SUGP2: variants seen among roughly 807,000 people sequenced by gnomAD.
SUGP2 encodes SURP and G-patch domain containing 2.
In SUGP2, 24 loss-of-function variants were observed where a neutral mutation model predicts 90.5. That is an observed-to-expected ratio of 0.27 (90% CI 0.19 to 0.37). The LOEUF is 0.37. SUGP2 is among the 10% of genes least tolerant of loss of function. The pLI is 1.00. For missense variants in SUGP2, 1,233 were observed against 1,363.3 expected, an observed-to-expected ratio of 0.90 and a Z score of 1.51; for synonymous variants, 473 against 513.4, an observed-to-expected ratio of 0.92 and a Z score of 1.06.
intron 8 of SUGP2, among the ~76,000 whole-genome samples, chr19:19,000,982 A>C (rs1344771230): frequency 6.6e-6 from 1 of 150,684 alleles, no homozygotes; most frequent in Admixed American, 6.6e-5. Flanking sequence ...TGGGATCACA[A>C]GTGTAAGACA....
intron 2 of SUGP2, 110 bp from the exon 3 acceptor site, chr19:19,026,336 C>A (rs966794796): frequency 9.6e-7 from 1 of 1,037,908 alleles, no homozygotes. Flanking sequence ...AGCAAAACTG[C>A]TTTATACACC....
At chr19:19,033,585 G>T (rs2059286819), upstream of SUGP2, 3 of 1,197,286 alleles carry the variant, frequency 2.5e-6, no homozygotes. Context: ...GAGTCCTGGT[G>T]CGCAGGCGCG....
Position 19,031,061 on chromosome 19 carries a change from C to A in SUGP2, c.11G>T (p.Arg4Ile), listed in dbSNP as rs766992322. The part of the protein sequence containing the change: MAA[R>I]RITQETFDAV... ...ATCAAAAGTCTCCTGTGTAATTCGT[C>A]TGGCTGCCATGTTATTTTGCCCTAT... The change falls in exon 2 of 11, where the codon AGA becomes ATA. Residue 4 changes from arginine to isoleucine, a missense_variant. This residue lies in a region of SUGP2 where 418 missense variants were observed against 399.9 expected (regional missense o/e 1.05). Transcript: ENST00000452918. 1 of 1,611,928 alleles carries A rather than the reference C, an allele frequency of 6.2e-7. No homozygotes were observed. Among genetic ancestry groups the A allele is most frequent in the Non-Finnish European group, 8.5e-7 (1 of 1,179,590 alleles).
At chr19:19,018,831 A>T (rs1168416751) in intron 4 of SUGP2, among the ~76,000 whole-genome samples, 1 of 152,194 alleles carries the variant, frequency 6.6e-6, no homozygotes, top group Non-Finnish European at 1.5e-5. Flanking sequence ...TATTCTCTGC[A>T]TGCACATCTC....
intron 4 of SUGP2, among the ~76,000 whole-genome samples, chr19:19,014,177 G>A (rs1283529040): frequency 6.6e-6 from 1 of 152,152 alleles, no homozygotes; most frequent in Non-Finnish European, 1.5e-5. Flanking sequence ...ATTTTTAGTA[G>A]AGATGGGGTT....
At chr19:19,027,866 G>A (rs916490325) in intron 2 of SUGP2, among the ~76,000 whole-genome samples, 5 of 152,194 alleles carry the variant, frequency 3.3e-5, no homozygotes, top group Non-Finnish European at 7.3e-5. Flanking sequence ...TGGAACTCCT[G>A]ACCTTGTGAT....
In SUGP2 at chr19:18,994,430, T is replaced by C. The variant is rs1377213095; in HGVS notation, c.3185A>G (p.Asp1062Gly). 1.9e-6 allele frequency: 3 copies of C among 1,614,186 alleles called. No homozygotes were observed. The highest frequency in any genetic ancestry group is 2.5e-6 in the Non-Finnish European group (3 of 1,180,020). The change falls in exon 10 of 11, where the codon GAC becomes GGC. Residue 1062 changes from aspartate (D) to glycine (G), a missense_variant. Transcript: ENST00000452918. ...LGADGQEHKE[D>G]TFDVFRQRMM... ...CCTCTGTCGGAACACATCGAATGTG[T>C]CTTCTTTGTGCTCCTGCCCGTCAGC...
intron 2 of SUGP2, among the ~76,000 whole-genome samples, chr19:19,027,727 T>C (rs531072696): frequency 2.7e-4 from 41 of 151,650 alleles, no homozygotes; most frequent in African/African-American, 8.7e-4. Context: ...AACCTCCACC[T>C]CCCAGGTTCA....
chr19:19,007,277 A>C (rs1169111303), intron 6 of SUGP2: 3 of 152,208 alleles, frequency 2.0e-5, no homozygotes, highest in African/African-American at 7.2e-5. Context: ...CCTGTGTAGA[A>C]GTGCCTGCTG....
Position 19,031,013 on chromosome 19 carries a change from T to G in SUGP2, c.59A>C (p.Lys20Thr), listed in dbSNP as rs747103232. Residue 20 changes from lysine (K) to threonine (T), a missense_variant, in exon 2 of 11, where the codon AAA becomes ACA. Transcript: ENST00000452918. ...ACCACTGGCATCCATGTGATATCGTTTGGCTTTTTCTTGTAATACAGCATC... is the reference window on the plus strand; with the variant it reads ...ACCACTGGCATCCATGTGATATCGTGTGGCTTTTTCTTGTAATACAGCATC... ...TFDAVLQEKA[K>T]RYHMDASGEA... is the part of the protein sequence containing the mutation. The G allele has an allele frequency of 6.2e-7, 1 of 1,614,092 alleles. No homozygotes were observed. The highest frequency in any genetic ancestry group is 8.5e-7 in the Non-Finnish European group (1 of 1,180,006).
At chr19:19,029,355 C>T (rs373271572) in intron 2 of SUGP2, among the ~76,000 whole-genome samples, 1 of 151,110 alleles carries the variant, frequency 6.6e-6, no homozygotes, top group Admixed American at 6.6e-5. Context: ...AGGATGGTCT[C>T]GATCTCCTGA....
chr19:19,022,799 G>A (rs763387843), intron 3 of SUGP2, among the ~76,000 whole-genome samples: 36 of 152,164 alleles, frequency 2.4e-4, no homozygotes, highest in Admixed American at 1.5e-3. Flanking sequence ...TATGTGGTGG[G>A]ACCTATCTAG....
At chr19:19,017,211 G>A (rs1599509363) in intron 4 of SUGP2, among the ~76,000 whole-genome samples, 1 of 152,154 alleles carries the variant, frequency 6.6e-6, no homozygotes, top group South Asian at 2.1e-4. Context: ...ACAAAAGAGG[G>A]CACAGCACAC....
chr19:19,007,750 C>G (rs1353342848), intron 6 of SUGP2, among the ~76,000 whole-genome samples: 2 of 144,144 alleles, frequency 1.4e-5, no homozygotes, highest in African/African-American at 5.2e-5. Flanking sequence ...GCCATTGCAC[C>G]TAGCCTTTTT....
intron 8 of SUGP2, among the ~76,000 whole-genome samples, chr19:19,001,064 G>A (rs983913315): frequency 6.7e-6 from 1 of 149,068 alleles, no homozygotes; most frequent in African/African-American, 2.5e-5. Context: ...CGCCCAGGCT[G>A]GAGTGCAGTG....
chr19:19,015,827 T>C (rs1368355405), intron 4 of SUGP2, among the ~76,000 whole-genome samples: 2 of 152,146 alleles, frequency 1.3e-5, no homozygotes, highest in Non-Finnish European at 2.9e-5. Flanking sequence ...GTGAAGGAGT[T>C]TTTGGATGAT....
chr19:18,999,003 G>C (rs2057726368), intron 8 of SUGP2: 1 of 152,444 alleles, frequency 6.6e-6, no homozygotes, highest in South Asian at 2.1e-4. Flanking sequence ...GACGGGTAGG[G>C]AAGGAAGGGG....
At chr19:19,001,559 A>G in intron 8 of SUGP2, 54 bp downstream of exon 8, 1 of 1,578,064 alleles carries the variant, frequency 6.3e-7, no homozygotes, top group South Asian at 1.1e-5. Context: ...TTGGAACTCC[A>G]ACAAATTCTA....
chr19:18,998,406 C>T (rs2057694738), intron 8 of SUGP2, among the ~76,000 whole-genome samples: 1 of 152,224 alleles, frequency 6.6e-6, no homozygotes, highest in Admixed American at 6.5e-5. Context: ...CCTGCCTTGG[C>T]CTTCCAAAGT....
Sources: allele counts gnomAD v4.1 joint callset (sites outside exome capture counted in the v4.1 genomes callset), GRCh38; gene constraint gnomAD v4.1.1; regional missense constraint gnomAD v4.1.1; transcripts MANE v1.5; gene names NCBI Gene and HGNC (gene_info 2026-07-23, HGNC 2026-07-21).